FAR2: variants seen among roughly 807,000 people sequenced by gnomAD.
FAR2 encodes the protein fatty acyl-CoA reductase 2, also known as epididymis secretory protein Li 81.
In FAR2, 19 loss-of-function variants were observed where a neutral mutation model predicts 56.0. The ratio of observed to expected loss-of-function variants is 0.34; its 90% CI spans 0.24 to 0.50. The LOEUF (loss-of-function observed/expected upper bound fraction) is 0.50, where lower values mean the gene tolerates loss of function less well. FAR2 is among the 20% of genes least tolerant of loss of function. The probability of loss-of-function intolerance (pLI) is 0.98; values close to 1 mark genes in which losing one functional copy is unlikely to be tolerated. For missense variants in FAR2, 508 were observed against 642.2 expected (o/e 0.79, Z 2.26); for synonymous variants, 219 against 218.8 (o/e 1.00, Z -0.01).
chr12:29,259,212 C>CA (rs1466953968), intron 1 of FAR2, among the ~76,000 whole-genome samples: 4 of 152,202 alleles, frequency 2.6e-5, no homozygotes, highest in African/African-American at 9.6e-5. Flanking sequence ...TTTTGGTCAT[C>CA]ACGCCTGGCA....
rs1345682865 is a variant in FAR2 at position 29,332,677 on chromosome 12, A to G, written c.1335A>G (p.Leu445=). 1 of 1,613,772 alleles carries G rather than the reference A, an allele frequency of 6.2e-7. No homozygotes were observed. The highest frequency in any genetic ancestry group is 8.5e-7 in the Non-Finnish European group (1 of 1,179,794). The change falls in exon 11 of 12, where the codon TTA becomes TTG. Residue 445 remains leucine, a synonymous_variant. Coordinates refer to ENST00000536681, the MANE Select transcript of FAR2 (RefSeq NM_001271783.2). ...ENYVLGVKKY[L]LKEDMAGIPK... ...ATGTTTTGGGAGTTAAAAAATACTT[A>G]TTGAAAGAGGATATGGCTGGGATCC...
At chr12:29,170,651 C>G (rs919897264) in intron 1 of FAR2, among the ~76,000 whole-genome samples, 2 of 152,034 alleles carry the variant, frequency 1.3e-5, no homozygotes, top group African/African-American at 2.4e-5. Flanking sequence ...CTCTTTCTCT[C>G]TCTCTCTGAC....
chr12:29,275,025 C>T (rs912462224), intron 2 of FAR2, among the ~76,000 whole-genome samples: 3 of 150,394 alleles, frequency 2.0e-5, no homozygotes, highest in African/African-American at 7.3e-5. Context: ...CTCTTTGCTC[C>T]ATGAGAAAGA....
At chr12:29,257,361 T>C (rs1194269302) in intron 1 of FAR2, among the ~76,000 whole-genome samples, 1 of 152,072 alleles carries the variant, frequency 6.6e-6, no homozygotes. Flanking sequence ...AGCTCAGGGA[T>C]TGTAAATGCA....
chr12:29,163,361 T>C (rs759283835), intron 1 of FAR2, among the ~76,000 whole-genome samples: 5 of 152,232 alleles, frequency 3.3e-5, no homozygotes, highest in African/African-American at 9.6e-5. Context: ...TATTGTCATA[T>C]GTGAGAGTTA....
intron 1 of FAR2, among the ~76,000 whole-genome samples, chr12:29,204,367 C>T (rs1041990437): frequency 1.3e-5 from 2 of 151,930 alleles, no homozygotes; most frequent in African/African-American, 4.8e-5. Context: ...TGAAACAATG[C>T]CAAATTGCCA....
At chr12:29,168,583 G>A (rs1309708354) in intron 1 of FAR2, among the ~76,000 whole-genome samples, 17 of 152,338 alleles carry the variant, frequency 1.1e-4, no homozygotes, top group African/African-American at 3.1e-4. Flanking sequence ...GAATGAAGCC[G>A]CGGACCTTCG....
chr12:29,297,693 T>A (rs1949093827), intron 4 of FAR2, among the ~76,000 whole-genome samples: 1 of 152,268 alleles, frequency 6.6e-6, no homozygotes, highest in East Asian at 1.9e-4. Flanking sequence ...AAAAGTTATA[T>A]AAAACACTTA....
At chr12:29,307,542 C>A in intron 4 of FAR2, 116 bp from the exon 5 acceptor site, 2 of 1,053,116 alleles carry the variant, frequency 1.9e-6, no homozygotes, top group Non-Finnish European at 2.7e-6. Context: ...TGTGACTGTT[C>A]TGAATTCCAG....
chr12:29,300,721 T>C (rs560257773), intron 4 of FAR2, among the ~76,000 whole-genome samples: 1 of 152,252 alleles, frequency 6.6e-6, no homozygotes, highest in African/African-American at 2.4e-5. Context: ...AGTTCTTATT[T>C]ATTTATTTAT....
At chr12:29,194,270 A>C (rs1265769651) in intron 1 of FAR2, among the ~76,000 whole-genome samples, 2 of 152,198 alleles carry the variant, frequency 1.3e-5, no homozygotes, top group Non-Finnish European at 2.9e-5. Context: ...TCAACTTCTC[A>C]GGTTCTGAAA....
chr12:29,157,379 C>T (rs1200165457), intron 1 of FAR2, among the ~76,000 whole-genome samples: 1 of 151,900 alleles, frequency 6.6e-6, no homozygotes, highest in Non-Finnish European at 1.5e-5. Flanking sequence ...GGCTTTTGGA[C>T]ATCTTGCTTT....
At chr12:29,185,738 C>G (rs571385384) in intron 1 of FAR2, among the ~76,000 whole-genome samples, 2 of 152,232 alleles carry the variant, frequency 1.3e-5, no homozygotes, top group Admixed American at 6.5e-5. Context: ...TTTGGTAACA[C>G]GAGAAGAGTG....
At chr12:29,258,572 A>G (rs1314481761) in intron 1 of FAR2, among the ~76,000 whole-genome samples, 1 of 152,232 alleles carries the variant, frequency 6.6e-6, no homozygotes, top group East Asian at 1.9e-4. Context: ...TAATCAACTC[A>G]TATTATCATG....
chr12:29,220,061 A>G (rs529668297), intron 1 of FAR2, among the ~76,000 whole-genome samples: 3 of 152,356 alleles, frequency 2.0e-5, no homozygotes, highest in African/African-American at 7.2e-5. Flanking sequence ...TGCACATTAC[A>G]AATGATCCAG....
chr12:29,254,749 C>T (rs565163758), intron 1 of FAR2, among the ~76,000 whole-genome samples: 1 of 152,024 alleles, frequency 6.6e-6, no homozygotes, highest in South Asian at 2.1e-4. Flanking sequence ...GTCAGGAGTT[C>T]GAGACTAGCG....
chr12:29,190,142 A>G (rs1218823023), intron 1 of FAR2, among the ~76,000 whole-genome samples: 1 of 152,152 alleles, frequency 6.6e-6, no homozygotes, highest in Non-Finnish European at 1.5e-5. Context: ...TTATCTTGCT[A>G]AGTTTGAGAA....
chr12:29,280,736 G>A (rs1485250718), intron 2 of FAR2: 5 of 152,196 alleles, frequency 3.3e-5, no homozygotes, highest in Non-Finnish European at 7.3e-5. Context: ...ACCATCCAAG[G>A]TCTCTCTGGA....
intron 4 of FAR2, among the ~76,000 whole-genome samples, chr12:29,298,955 T>C (rs1300725987): frequency 6.6e-6 from 1 of 152,062 alleles, no homozygotes; most frequent in Non-Finnish European, 1.5e-5. Context: ...GGCTTATGCC[T>C]GTAATCCCAG....
Sources: gnomAD v4.1 joint callset for allele counts (sites outside exome capture counted in the v4.1 genomes callset) on GRCh38, gnomAD v4.1.1 for gene constraint, MANE v1.5 for transcripts, NCBI Gene and HGNC (gene_info 2026-07-23, HGNC 2026-07-21) for gene names.